Variants in ARAP1 observed in about 807,000 individuals in gnomAD.
ARAP1 encodes the protein ArfGAP with RhoGAP domain, ankyrin repeat and PH domain 1.
A neutral mutation model predicts 172.2 loss-of-function variants in ARAP1; 76 were observed. The ratio of observed to expected loss-of-function variants is 0.44; its 90% CI spans 0.37 to 0.53. The LOEUF (loss-of-function observed/expected upper bound fraction) is 0.53, where lower values mean the gene tolerates loss of function less well. ARAP1 is among the 20% of genes least tolerant of loss of function. The probability of loss-of-function intolerance (pLI) is 0.00; values close to 1 mark genes in which losing one functional copy is unlikely to be tolerated. For synonymous variants in ARAP1, 804 were observed against 803.3 expected, an observed-to-expected ratio of 1.00 and a Z score of -0.01; for missense variants, 1,686 against 1,977.5, an observed-to-expected ratio of 0.85 and a Z score of 2.80.
chr11:72,699,457 C>T lies in ARAP1; in HGVS notation c.2398G>A (p.Glu800Lys), dbSNP rs774084032. ...VTPNGEIRAS[E>K]IVCLAVPPPD... ...GGGGGCACTGCCAGGCACACAATCT[C>T]GCTGGCCCGAATCTCTCCATTGGGG... The change falls in exon 17 of 35, where the codon GAG (glutamate) becomes AAG (lysine). Residue 800 changes from glutamate to lysine, a missense_variant. Around this residue, in one of 5 missense-constraint regions of ARAP1, gnomAD observed 688 missense variants for 856.9 expected, o/e 0.80. Transcript: ENST00000393609. This position sits in a 1 kb window ranked among gnomAD's most constrained non-coding sequence, Gnocchi z 4.2. The T allele has an allele frequency of 1.2e-6, 2 of 1,614,106 alleles. No individual in the cohort carries two copies. The highest frequency in any genetic ancestry group is 1.1e-5 in the South Asian group (1 of 91,070).
At chr11:72,708,921 C>T (rs1856887413) in intron 11 of ARAP1, among the ~76,000 whole-genome samples, 1 of 152,044 alleles carries the variant, frequency 6.6e-6, no homozygotes, top group Admixed American at 6.6e-5. Context: ...CCTGTAATCC[C>T]AGCTACTTGG....
Position 72,726,578 on chromosome 11 carries a change from C to A in ARAP1, c.509+42G>T. ...AAACTCCCCATCTACCCTCTGGGAT[C>A]CTCTGCCTGTGCGCCTCCCACCCTG... On this transcript the variant is annotated intron_variant, in intron 3 of 34. Transcript: ENST00000393609. This position sits in a 1 kb window ranked among gnomAD's most constrained non-coding sequence, Gnocchi z 6.5. The A allele has an allele frequency of 1.4e-6, 2 of 1,459,880 alleles. No homozygotes were observed. The highest frequency in any genetic ancestry group is 9.0e-7 in the Non-Finnish European group (1 of 1,107,012). 90.4% of individuals were successfully genotyped at this position (1,459,880 alleles called of 1,614,324 possible).
Position 72,727,078 on chromosome 11 carries a change from T to C in ARAP1, c.51A>G (p.Ala17=), listed in dbSNP as rs746805207. 35 of 1,598,252 alleles carry C rather than the reference T, an allele frequency of 2.2e-5. No homozygotes were observed. Among genetic ancestry groups the C allele is most frequent in the Non-Finnish European group, 2.9e-5 (34 of 1,168,476 alleles). Residue 17 remains alanine, a synonymous_variant, in exon 3 of 35, where the codon GCA becomes GCG. Coordinates refer to ENST00000393609, the MANE Select transcript of ARAP1 (RefSeq NM_001040118.3). Reference sequence around the variant, plus strand: ...GCCCCGTGTACTGCTCCAGGTGCAATGCCCGCAGCCACTCGGCCACCGATA... The same window carrying C: ...GCCCCGTGTACTGCTCCAGGTGCAACGCCCGCAGCCACTCGGCCACCGATA... ...AALSVAEWLR[A]LHLEQYTGLF...
chr11:72,698,951 C>T, intron 18 of ARAP1, 54 bp downstream of exon 18: 1 of 1,574,532 alleles, frequency 6.4e-7, no homozygotes, highest in South Asian at 1.1e-5. Flanking sequence ...GGCCAGGAGG[C>T]CCCACCTTCC....
At chr11:72,697,538 C>T (rs1856266724) in intron 20 of ARAP1, 52 bp from the exon 21 acceptor site, 1 of 1,612,850 alleles carries the variant, frequency 6.2e-7, no homozygotes, top group Non-Finnish European at 8.5e-7. Context: ...CCCACCCTGT[C>T]CCCAGGCCCA....
chr11:72,701,983 C>T (rs1465480926), intron 15 of ARAP1, among the ~76,000 whole-genome samples, 200 bp from the exon 16 acceptor site: 3 of 152,190 alleles, frequency 2.0e-5, no homozygotes, highest in African/African-American at 4.8e-5. Context: ...TGTGGAAATT[C>T]ACTCCACTCC....
Position 72,710,750 on chromosome 11 carries a change from C to T in ARAP1, c.1214-163G>A, listed in dbSNP as rs1856977743. Among the ~76,000 whole-genome samples, 1 of 152,190 alleles carries T rather than the reference C, an allele frequency of 6.6e-6. No individual in the cohort carries two copies. The highest frequency in any genetic ancestry group is 2.4e-5 in the African/African-American group (1 of 41,428). On this transcript the variant is annotated intron_variant, in intron 9 of 34. Coordinates refer to ENST00000393609, the MANE Select transcript of ARAP1 (RefSeq NM_001040118.3). The surrounding 1 kb of genome is among the most constrained non-coding windows in gnomAD (Gnocchi z 4.3). ...CTTGAACGAGCTCAGGCTCCAATCCCAGCTATGCCACTGATGCTGGGCAAG... is the reference window on the plus strand; with the variant it reads ...CTTGAACGAGCTCAGGCTCCAATCCTAGCTATGCCACTGATGCTGGGCAAG...
chr11:72,733,518 G>A (rs1044415934), intron 1 of ARAP1, among the ~76,000 whole-genome samples: 1 of 152,172 alleles, frequency 6.6e-6, no homozygotes, highest in Non-Finnish European at 1.5e-5. Flanking sequence ...TTCCAGGCAG[G>A]AGGAGAAAGA....
At chr11:72,747,426 C>G (rs952177835) in intron 1 of ARAP1, among the ~76,000 whole-genome samples, 1 of 152,136 alleles carries the variant, frequency 6.6e-6, no homozygotes, top group Non-Finnish European at 1.5e-5. Flanking sequence ...TGTAGCAAAG[C>G]CCCAGCATCC....
chr11:72,709,748 G>C (rs1856925486), intron 11 of ARAP1, 122 bp downstream of exon 11: 2 of 978,734 alleles, frequency 2.0e-6, no homozygotes, highest in Non-Finnish European at 1.6e-6. Flanking sequence ...TCCACAGGTG[G>C]GGCAGGGCGG....
At chr11:72,748,174 A>G (rs918306967) in intron 1 of ARAP1, among the ~76,000 whole-genome samples, 1 of 152,228 alleles carries the variant, frequency 6.6e-6, no homozygotes, top group Non-Finnish European at 1.5e-5. Context: ...TGCCTGGCAC[A>G]TAGTCAGCTT....
intron 29 of ARAP1, 74 bp from the exon 30 acceptor site, chr11:72,692,859 G>C: frequency 6.3e-7 from 1 of 1,587,996 alleles, no homozygotes. Context: ...AGTGATGTGT[G>C]GGGTTGGGGT....
rs549756316 is a variant in ARAP1, at chr11:72,699,596, C to G, written c.2303-44G>C. 1.1e-5 allele frequency: 17 copies of G among 1,588,270 alleles called. No homozygotes were observed. In the East Asian group the frequency reaches 1.4e-4, roughly 13 times the overall value. On this transcript the variant is annotated intron_variant, in intron 16 of 34. Coordinates refer to ENST00000393609, the MANE Select transcript of ARAP1 (RefSeq NM_001040118.3). This position sits in a 1 kb window ranked among gnomAD's most constrained non-coding sequence, Gnocchi z 4.2. ...GGGGAGCCATCAGGGAGCCCCCCAC[C>G]ACCTGAAAACCACCTCTGCATCCTC...
intron 16 of ARAP1, among the ~76,000 whole-genome samples, chr11:72,701,439 C>G (rs1165830677): frequency 6.6e-6 from 1 of 152,218 alleles, no homozygotes; most frequent in East Asian, 1.9e-4. Context: ...CAAAGAAACT[C>G]TGGCACTGAC....
intron 2 of ARAP1, among the ~76,000 whole-genome samples, chr11:72,728,560 A>C (rs913630913): frequency 1.3e-5 from 2 of 152,202 alleles, no homozygotes; most frequent in Non-Finnish European, 2.9e-5. Flanking sequence ...CAGCCTGGGC[A>C]ACAGAGTGAG....
At position 72,693,674 on chromosome 11, in the gene ARAP1, C is replaced by G; in HGVS notation, c.3808+18G>C. Reference sequence around the variant, plus strand: ...AGAGGACCACCCGGAGCCTGGCCACCCTGCAGGCACCACCTACCCAGGTAC... The same window carrying G: ...AGAGGACCACCCGGAGCCTGGCCACGCTGCAGGCACCACCTACCCAGGTAC... On this transcript the variant is annotated intron_variant, in intron 28 of 34. Coordinates refer to ENST00000393609, the MANE Select transcript of ARAP1 (RefSeq NM_001040118.3). This position sits in a 1 kb window ranked among gnomAD's most constrained non-coding sequence, Gnocchi z 4.6. 1 of 1,587,274 alleles carries G rather than the reference C, an allele frequency of 6.3e-7. No homozygotes were observed. The highest frequency in any genetic ancestry group is 8.6e-7 in the Non-Finnish European group (1 of 1,166,168).
intron 3 of ARAP1, chr11:72,721,725 A>G: frequency 1.2e-6 from 1 of 855,332 alleles, no homozygotes. Context: ...AGAGAAAAAA[A>G]GAGAAGGGGG....
At chr11:72,747,080 G>A (rs770365796) in intron 1 of ARAP1, among the ~76,000 whole-genome samples, 10 of 152,200 alleles carry the variant, frequency 6.6e-5, no homozygotes, top group Admixed American at 2.0e-4. Flanking sequence ...CCCCAGCACT[G>A]GCCTGGCCAG....
intron 30 of ARAP1, 31 bp downstream of exon 30, chr11:72,692,722 G>C: frequency 1.2e-6 from 2 of 1,613,576 alleles, no homozygotes; most frequent in Non-Finnish European, 1.7e-6. Context: ...GGTGGTGTAA[G>C]GCAGCTGGCA....
Sources: allele counts gnomAD v4.1 joint callset (sites outside exome capture counted in the v4.1 genomes callset), GRCh38; gene constraint gnomAD v4.1.1; regional missense constraint gnomAD v4.1.1; non-coding constraint Gnocchi (gnomAD v3.1); transcripts MANE v1.5; gene names NCBI Gene and HGNC (gene_info 2026-07-23, HGNC 2026-07-21).